TPM4: variants seen among roughly 807,000 people sequenced by gnomAD.
The protein encoded by TPM4 is tropomyosin 4, also known as tropomyosin alpha-4 chain.
Under a neutral mutation model 35.8 loss-of-function variants are expected in TPM4, and 17 were observed. The observed-to-expected ratio is 0.47, with a 90% CI of 0.32 to 0.71. The LOEUF (loss-of-function observed/expected upper bound fraction) is 0.71, where lower values mean the gene tolerates loss of function less well. Among genes scored for constraint, TPM4 ranks in the 30% least tolerant of loss-of-function variants. TPM4 has a pLI of 0.03. For missense variants in TPM4, 240 were observed against 320.9 expected (o/e 0.75, Z 1.93); for synonymous variants, 120 against 122.9 (o/e 0.98, Z 0.15).
chr19:16,082,426 T>G (rs2144931336), intron 2 of TPM4, among the ~76,000 whole-genome samples: 1 of 152,164 alleles, frequency 6.6e-6, no homozygotes, highest in South Asian at 2.1e-4. Context: ...CAAGAGAATC[T>G]CTTGAACCCA....
chr19:16,072,935 C>A (rs73003784), upstream of TPM4, among the ~76,000 whole-genome samples: 1 of 152,048 alleles, frequency 6.6e-6, no homozygotes, highest in East Asian at 1.9e-4. Flanking sequence ...AATTGTAACA[C>A]GCCCAACACA....
chr19:16,076,240 G>A (rs2090403683), upstream of TPM4: 2 of 1,546,508 alleles, frequency 1.3e-6, no homozygotes, highest in Admixed American at 2.0e-5. Context: ...GGAAGGCGGG[G>A]AGAGCCGCAG....
chr19:16,083,210 G>A (rs773294807), intron 2 of TPM4, among the ~76,000 whole-genome samples: 10 of 152,084 alleles, frequency 6.6e-5, no homozygotes, highest in Non-Finnish European at 1.0e-4. Flanking sequence ...TTGCGATGAC[G>A]AGGCGGGTGG....
intron 5 of TPM4, among the ~76,000 whole-genome samples, chr19:16,089,490 T>C (rs527794934): frequency 6.6e-6 from 1 of 152,306 alleles, no homozygotes; most frequent in South Asian, 2.1e-4. Context: ...AGAGGTGGAA[T>C]TGGGCTTTTT....
upstream of TPM4, among the ~76,000 whole-genome samples, chr19:16,071,769 A>AC: frequency 6.6e-6 from 1 of 152,226 alleles, no homozygotes; most frequent in South Asian, 2.1e-4. Flanking sequence ...GGCCCTGCTT[A>AC]CCCAGTGTGG....
intron 7 of TPM4, among the ~76,000 whole-genome samples, chr19:16,094,440 C>T (rs1302905389): frequency 6.6e-6 from 1 of 151,590 alleles, no homozygotes; most frequent in African/African-American, 2.4e-5. Context: ...GAGGCTGAGG[C>T]AGGGAGAATC....
chr19:16,075,920 C>T, upstream of TPM4: 1 of 1,354,618 alleles, frequency 7.4e-7, no homozygotes, highest in Non-Finnish European at 9.9e-7. Flanking sequence ...CCCTGTTCTA[C>T]AGATAAGGAA....
At chr19:16,099,078 G>GTGTGTGTT (rs2090735246) in intron 7 of TPM4, among the ~76,000 whole-genome samples, 2 of 150,424 alleles carry the variant, frequency 1.3e-5, no homozygotes, top group Admixed American at 6.6e-5. Flanking sequence ...CTCTGTGTGT[G>GTGTGTGTT]TGTGTGTGTG....
Position 16,102,320 on chromosome 19 carries a change from CAG to C in TPM4, c.*977_*978del, listed in dbSNP as rs2144971050. 1.0e-5 allele frequency: 2 copies of C among 198,326 alleles called. No homozygotes were observed. The highest frequency in any genetic ancestry group is 1.9e-4 in the South Asian group (1 of 5,228). 12.3% of individuals were successfully genotyped at this position (198,326 alleles called of 1,614,324 possible). On this transcript the variant is annotated 3_prime_UTR_variant, in exon 8 of 8. Coordinates refer to ENST00000643579, the MANE Select transcript of TPM4 (RefSeq NM_003290.3). ...CACCACAGCGCTCCAGCCTGGTCGACAGAGTGAGACTCCATCTCAAGAAAAAA... is the reference window on the plus strand; with the variant it reads ...CACCACAGCGCTCCAGCCTGGTCGACAGTGAGACTCCATCTCAAGAAAAAA...
intron 7 of TPM4, among the ~76,000 whole-genome samples, chr19:16,097,029 C>T (rs866970698): frequency 7.0e-6 from 1 of 141,906 alleles, no homozygotes; most frequent in Non-Finnish European, 1.5e-5. Context: ...TCTTGGCTCA[C>T]TGCAACCTCC....
At position 16,067,815 on chromosome 19, in the gene TPM4, T is replaced by G; in HGVS notation, c.114+77T>G. 7.1e-7 allele frequency: 1 copy of G among 1,412,356 alleles called. No homozygotes were observed. Among genetic ancestry groups the G allele is most frequent in the Non-Finnish European group, 9.6e-7 (1 of 1,037,194 alleles). The allele number at this position is 1,412,356 out of a possible 1,614,324, so 87.5% of individuals were successfully genotyped here. ...CGGAAGGCCGGGGTCTGGAGCCCAG[T>G]TGGGGGTCGCAGACACCTGCGGGAG... On this transcript the variant is annotated intron_variant, in intron 2 of 2. Transcript: ENST00000589897. This position sits in a 1 kb window ranked among gnomAD's most constrained non-coding sequence, Gnocchi z 4.1.
In TPM4 at chr19:16,088,722, T is replaced by TA. The variant is rs1430132347; in HGVS notation, c.456-322dup. On this transcript the variant is annotated intron_variant, in intron 4 of 7. Transcript: ENST00000643579. Reference sequence around the variant, plus strand: ...CGCCTTCTGCCCTCAGTCCCATTCTTACACCTTCCGGAGTCGGCCTCATCA... The same window carrying TA: ...CGCCTTCTGCCCTCAGTCCCATTCTTAACACCTTCCGGAGTCGGCCTCATCA... The TA allele has an allele frequency of 5.4e-6, 6 of 1,113,504 alleles. No individual in the cohort carries two copies. In the African/African-American group the frequency reaches 8.2e-5, roughly 15 times the overall value. The allele number at this position is 1,113,504 out of a possible 1,614,324, so 69.0% of individuals were successfully genotyped here.
At position 16,076,607 on chromosome 19, in the gene TPM4, C is replaced by A. The variant is rs1182312014; in HGVS notation, c.42C>A (p.Ile14=). The part of the protein sequence containing the change: ...LNSLEAVKRK[I]QALQQQADEA... ...CCCTGGAGGCGGTGAAACGCAAGAT[C>A]CAGGCCCTGCAGCAGCAGGCGGACG... Residue 14 remains isoleucine (I), a synonymous_variant, in exon 1 of 8, where the codon ATC becomes ATA. Transcript: ENST00000643579. 2 of 1,468,580 alleles carry A rather than the reference C, an allele frequency of 1.4e-6. No homozygotes were observed. Among genetic ancestry groups the A allele is most frequent in the Non-Finnish European group, 1.8e-6 (2 of 1,116,822 alleles). 91.0% of individuals were successfully genotyped at this position (1,468,580 alleles called of 1,614,324 possible). A position where few individuals can be genotyped will look rare whatever the true frequency, so the allele number is the denominator to read the frequency against.
At chr19:16,080,000 C>A in intron 1 of TPM4, 1 of 182,260 alleles carries the variant, frequency 5.5e-6, no homozygotes, top group Non-Finnish European at 1.2e-5. Flanking sequence ...CCGCGCCCGG[C>A]CTTCCTAATA....
chr19:16,081,348 G>T, intron 1 of TPM4: 1 of 282,592 alleles, frequency 3.5e-6, no homozygotes, highest in Non-Finnish European at 6.5e-6. Context: ...CACATGGTAT[G>T]TTTGACTCCT....
intron 1 of TPM4, chr19:16,078,027 C>T (rs2090434243): frequency 2.5e-6 from 1 of 396,062 alleles, no homozygotes; most frequent in East Asian, 3.6e-5. Context: ...CCCACCTTGG[C>T]CTCCCAAAGT....
chr19:16,075,951 G>A (rs542035723), upstream of TPM4: 5 of 1,475,778 alleles, frequency 3.4e-6, no homozygotes, highest in Admixed American at 2.6e-5. Flanking sequence ...AGAGAGAGAC[G>A]GAGGACTCTT....
chr19:16,090,452 T>A (rs1003455768), intron 5 of TPM4, among the ~76,000 whole-genome samples: 1 of 145,972 alleles, frequency 6.9e-6, no homozygotes, highest in Non-Finnish European at 1.5e-5. Context: ...CAAGGTTTCA[T>A]CATGTTGGCC....
intron 5 of TPM4, among the ~76,000 whole-genome samples, chr19:16,090,691 T>C (rs1291063429): frequency 6.6e-6 from 1 of 152,194 alleles, no homozygotes; most frequent in Non-Finnish European, 1.5e-5. Flanking sequence ...ACATTTATTA[T>C]AGTTACTCCA....
Sources: allele counts gnomAD v4.1 joint callset (sites outside exome capture counted in the v4.1 genomes callset), GRCh38; gene constraint gnomAD v4.1.1; non-coding constraint Gnocchi (gnomAD v3.1); transcripts MANE v1.5; gene names NCBI Gene and HGNC (gene_info 2026-07-23, HGNC 2026-07-21).